The following KATNAL2 variants were observed in gnomAD, a reference collection of about 807,000 sequenced individuals.
KATNAL2 encodes katanin catalytic subunit A1 like 2.
KATNAL2 carries 52 observed loss-of-function variants against 76.3 expected under a neutral mutation model. The observed-to-expected ratio is 0.68, with a 90% CI of 0.55 to 0.86. KATNAL2 has a LOEUF of 0.86. Among genes scored for constraint, KATNAL2 ranks in the 40% least tolerant of loss-of-function variants. KATNAL2 has a pLI of 0.00. For synonymous variants in KATNAL2, 243 were observed against 244.2 expected (o/e 1.00, Z 0.05); for missense variants, 660 against 668.9 (o/e 0.99, Z 0.15).
chr18:46,928,993 T>C (rs939068441), intron 1 of KATNAL2, among the ~76,000 whole-genome samples: 12 of 152,076 alleles, frequency 7.9e-5, no homozygotes, highest in African/African-American at 2.9e-4. Context: ...GAGACGGGTT[T>C]TCACCATTTG....
At chr18:46,948,900 G>GTGTGTGTGTGTGTA (rs2059465633) in intron 3 of KATNAL2, among the ~76,000 whole-genome samples, 1 of 151,580 alleles carries the variant, frequency 6.6e-6, no homozygotes, top group African/African-American at 2.4e-5. Context: ...GTGTGTGTGT[G>GTGTGTGTGTGTGTA]TGTGTGTGTG....
At chr18:47,069,762 G>A (rs149631081) in intron 13 of KATNAL2, among the ~76,000 whole-genome samples, 162 bp downstream of exon 13, 1 of 152,132 alleles carries the variant, frequency 6.6e-6, no homozygotes, top group East Asian at 1.9e-4. Context: ...TGTCTATTAC[G>A]TGTGGATGTT....
At chr18:46,951,029 G>A (rs954931568) in intron 3 of KATNAL2, among the ~76,000 whole-genome samples, 4 of 151,942 alleles carry the variant, frequency 2.6e-5, no homozygotes, top group Admixed American at 6.6e-5. Context: ...AGTTATAGTC[G>A]ACTCACTTTT....
At chr18:47,054,305 A>G (rs1271656892) in intron 5 of KATNAL2, 91 bp from the exon 6 acceptor site, 4 of 1,148,214 alleles carry the variant, frequency 3.5e-6, no homozygotes, top group African/African-American at 3.1e-5. Context: ...AATTTTAAGA[A>G]CAATGCAAAA....
chr18:47,047,128 C>T (rs927519651), intron 4 of KATNAL2, among the ~76,000 whole-genome samples: 2 of 152,058 alleles, frequency 1.3e-5, no homozygotes, highest in African/African-American at 4.8e-5. Flanking sequence ...ACCATGTTTT[C>T]CATGCTGGTC....
intron 3 of KATNAL2, among the ~76,000 whole-genome samples, chr18:46,958,476 C>T (rs1157544463): frequency 3.3e-5 from 5 of 151,898 alleles, no homozygotes; most frequent in African/African-American, 7.3e-5. Flanking sequence ...CATGTGCATG[C>T]GTGTGCGTGT....
Position 47,033,382 on chromosome 18 carries a change from G to T in KATNAL2, c.52-13075G>T, listed in dbSNP as rs376519080. 3.1e-6 allele frequency: 5 copies of T among 1,614,088 alleles called. No homozygotes were observed. The African/African-American group carries it at 6.7e-5, about 22-fold the overall frequency. ...GCCGTTGGGGTTGTTTCCACGTGCA[G>T]ATCGGATATTCGTTGTCATTACTCT... On this transcript the variant is annotated intron_variant, in intron 3 of 17. Coordinates refer to ENST00000683218, the MANE Select transcript of KATNAL2 (RefSeq NM_001387690.1).
At chr18:46,957,144 G>GACCAAAT (rs1569019223) in intron 3 of KATNAL2, among the ~76,000 whole-genome samples, 7 of 152,058 alleles carry the variant, frequency 4.6e-5, no homozygotes, top group African/African-American at 1.7e-4. Flanking sequence ...TGTGCTTTGG[G>GACCAAAT]GTGCCCAGGC....
At chr18:46,943,087 T>C (rs2059292851) in intron 1 of KATNAL2, among the ~76,000 whole-genome samples, 1 of 152,132 alleles carries the variant, frequency 6.6e-6, no homozygotes, top group Non-Finnish European at 1.5e-5. Context: ...GTAATGGTAA[T>C]TTTTCTACTT....
chr18:47,041,577 C>A (rs1003214914), intron 3 of KATNAL2, among the ~76,000 whole-genome samples: 1 of 152,242 alleles, frequency 6.6e-6, no homozygotes, highest in African/African-American at 2.4e-5. Context: ...TCTGAGTATA[C>A]CACAATTTAT....
At chr18:46,948,651 C>T (rs574213461) in intron 3 of KATNAL2, among the ~76,000 whole-genome samples, 1 of 152,146 alleles carries the variant, frequency 6.6e-6, no homozygotes, top group South Asian at 2.1e-4. Flanking sequence ...AGGTCTTGAA[C>T]TCCTGACCTC....
At chr18:47,032,992 A>C (rs1228129951) in intron 3 of KATNAL2, 1 of 1,614,046 alleles carries the variant, frequency 6.2e-7, no homozygotes, top group East Asian at 2.2e-5. Flanking sequence ...TCTGCAAGGC[A>C]AGTCCTGAGT....
At chr18:47,046,310 A>G (rs753031085) in intron 3 of KATNAL2, 147 bp from the exon 4 acceptor site, 84 of 599,898 alleles carry the variant, frequency 1.4e-4, no homozygotes, top group Non-Finnish European at 2.2e-4. Flanking sequence ...AAACAACTTT[A>G]TATGTCCTTA....
rs528023078 is a variant in KATNAL2, at chr18:47,035,025, G to A, written c.52-11432G>A. 59 of 1,611,700 alleles carry A rather than the reference G, an allele frequency of 3.7e-5. No individual in the cohort carries two copies. The East Asian group carries it at 1.2e-3, about 34-fold the overall frequency. ...CCTGTGGGCCAGGCCGGGTGTTTCG[G>A]TCCACGAGCACCAGCTTCTTCCACC... On this transcript the variant is annotated intron_variant, in intron 3 of 17. Coordinates refer to ENST00000683218, the MANE Select transcript of KATNAL2 (RefSeq NM_001387690.1).
At position 47,101,953 on chromosome 18, in the gene KATNAL2, T is replaced by G. The variant is rs1400329814; in HGVS notation, c.*948T>G. On this transcript the variant is annotated 3_prime_UTR_variant, in exon 18 of 18. Coordinates refer to ENST00000683218, the MANE Select transcript of KATNAL2 (RefSeq NM_001387690.1). ...TTCTACTAAGTAATGCCACTTCTTT[T>G]CCCCCACTAGAACTTACCTATGGGA... 6.6e-6 allele frequency: 1 copy of G among 152,128 alleles called. No individual in the cohort carries two copies. The highest frequency in any genetic ancestry group is 1.5e-5 in the Non-Finnish European group (1 of 68,030). 9.4% of individuals were successfully genotyped at this position (152,128 alleles called of 1,614,324 possible). A position where few individuals can be genotyped will look rare whatever the true frequency, so the allele number is the denominator to read the frequency against.
At chr18:47,045,584 G>A (rs1485225081) in intron 3 of KATNAL2, among the ~76,000 whole-genome samples, 2 of 152,056 alleles carry the variant, frequency 1.3e-5, no homozygotes, top group African/African-American at 4.8e-5. Flanking sequence ...TGGTCTCCCA[G>A]ATTGCTGGGA....
intron 1 of KATNAL2, among the ~76,000 whole-genome samples, chr18:46,927,709 T>C (rs1208695721): frequency 6.6e-6 from 1 of 152,148 alleles, no homozygotes; most frequent in Non-Finnish European, 1.5e-5. Context: ...CTCCCCGTCA[T>C]TTTCAGGTAC....
At chr18:46,922,031 T>G (rs1050571742) in intron 1 of KATNAL2, among the ~76,000 whole-genome samples, 3 of 152,144 alleles carry the variant, frequency 2.0e-5, no homozygotes, top group Non-Finnish European at 4.4e-5. Context: ...CAATACTGTC[T>G]TAGTCTTAGA....
chr18:47,069,921 T>G (rs2061937801), intron 13 of KATNAL2, among the ~76,000 whole-genome samples: 2 of 152,154 alleles, frequency 1.3e-5, no homozygotes, highest in African/African-American at 4.8e-5. Flanking sequence ...AAGTATTTAT[T>G]ATTTAACATG....
Sources: gnomAD v4.1 joint callset for allele counts (sites outside exome capture counted in the v4.1 genomes callset) on GRCh38, gnomAD v4.1.1 for gene constraint, MANE v1.5 for transcripts, NCBI Gene and HGNC (gene_info 2026-07-23, HGNC 2026-07-21) for gene names.